The following NUP62CL variants were observed in gnomAD, a reference collection of about 807,000 sequenced individuals.
NUP62CL encodes nucleoporin 62 C-terminal like.
Under a neutral mutation model 15.3 loss-of-function variants are expected in NUP62CL, and 13 were observed. That is an observed-to-expected ratio of 0.85 (90% CI 0.55 to 1.35). The LOEUF is 1.35. Among genes scored for constraint, NUP62CL ranks in the 40% most tolerant of loss-of-function variants. The pLI is 0.00. For missense variants in NUP62CL, 123 were observed against 130.6 expected (o/e 0.94, Z 0.28); for synonymous variants, 54 against 49.2 (o/e 1.10, Z -0.41).
intron 1 of NUP62CL, among the ~76,000 whole-genome samples, chrX:107,200,918 AC>A (rs1465122011): frequency 9.0e-6 from 1 of 111,265 alleles, no homozygotes. Context: ...GAGCAAAAAA[AC>A]CCTCAAAAAA....
At chrX:107,131,841 T>A (rs878866666) in intron 8 of NUP62CL, 2 of 1,039,637 alleles carry the variant, frequency 1.9e-6, no homozygotes, top group Admixed American at 4.4e-5. Flanking sequence ...AAGACACTCT[T>A]GGGACCTGTG....
At chrX:107,177,422 A>G (rs999295574) in intron 2 of NUP62CL, among the ~76,000 whole-genome samples, 1 of 111,428 alleles carries the variant, frequency 9.0e-6, no homozygotes, top group African/African-American at 3.3e-5. Context: ...ATATCGCCTT[A>G]CTTGATAAAA....
chrX:107,187,053 A>G (rs1381529418), intron 2 of NUP62CL, among the ~76,000 whole-genome samples: 1 of 112,311 alleles, frequency 8.9e-6, no homozygotes, highest in African/African-American at 3.2e-5. Context: ...GAAAGATAAC[A>G]GGAAAATCTT....
intron 4 of NUP62CL, among the ~76,000 whole-genome samples, chrX:107,161,940 T>C (rs1285580): frequency 9.5e-6 from 1 of 105,476 alleles, no homozygotes; most frequent in African/African-American, 3.4e-5. Flanking sequence ...TATCTGAAAA[T>C]AATTTTAAAG....
At chrX:107,137,227 G>A (rs1207610611) in intron 8 of NUP62CL, among the ~76,000 whole-genome samples, 2 of 111,269 alleles carry the variant, frequency 1.8e-5, no homozygotes, top group Non-Finnish European at 3.8e-5. Flanking sequence ...AACTCCCAGA[G>A]GGGAATTACC....
At chrX:107,130,935 GTGTATATA>G in intron 8 of NUP62CL, among the ~76,000 whole-genome samples, 1 of 111,270 alleles carries the variant, frequency 9.0e-6, no homozygotes, top group East Asian at 2.8e-4. Context: ...ATGTGTGTGT[GTGTATATA>G]TGTATATATG....
chrX:107,129,483 C>T (rs182275230), intron 8 of NUP62CL, among the ~76,000 whole-genome samples: 1 of 112,148 alleles, frequency 8.9e-6, no homozygotes, highest in African/African-American at 3.2e-5. Context: ...TGAAAGCCTA[C>T]AAGCTGAACA....
At chrX:107,163,315 A>T (rs748729229) in intron 4 of NUP62CL, among the ~76,000 whole-genome samples, 21 of 111,644 alleles carry the variant, frequency 1.9e-4, no homozygotes, top group Middle Eastern at 4.6e-3. Flanking sequence ...TAAGTAATGC[A>T]TGTATCTGTA....
rs1307100005 is a variant in NUP62CL at position 107,123,599 on chromosome X, AAAAC to A, written c.*772_*775del. 2 of 111,622 alleles carry A rather than the reference AAAAC, an allele frequency of 1.8e-5. No individual in the cohort carries two copies. The highest frequency in any genetic ancestry group is 3.8e-5 in the Non-Finnish European group (2 of 53,105). The allele number at this position is 111,622 out of a possible 1,213,427, so 9.2% of individuals were successfully genotyped here. On this transcript the variant is annotated 3_prime_UTR_variant, in exon 9 of 9. Transcript: ENST00000372466. ...CAAAACAAACAAACAAAAAAAAAGA[AAAAC>A]AAACAAATATACGGAAATCACCAAC...
chrX:107,143,852 A>G (rs767145785), intron 8 of NUP62CL, among the ~76,000 whole-genome samples: 1 of 111,914 alleles, frequency 8.9e-6, no homozygotes, highest in South Asian at 3.7e-4. Context: ...ATTAACTACT[A>G]AAAAACAAAA....
intron 7 of NUP62CL, chrX:107,150,752 G>A: frequency 3.4e-6 from 1 of 291,310 alleles, no homozygotes; most frequent in Non-Finnish European, 6.9e-6. Context: ...TCTTGCCTCG[G>A]CCTACCGAAG....
At chrX:107,183,420 G>C (rs1010391697) in intron 2 of NUP62CL, among the ~76,000 whole-genome samples, 1 of 110,589 alleles carries the variant, frequency 9.0e-6, no homozygotes, top group African/African-American at 3.3e-5. Context: ...AACATAATGA[G>C]ACCCTGGCTC....
At chrX:107,142,541 A>G (rs1164373994) in intron 8 of NUP62CL, among the ~76,000 whole-genome samples, 7 of 112,237 alleles carry the variant, frequency 6.2e-5, no homozygotes, top group Non-Finnish European at 9.4e-5. Context: ...GTAAAATGCC[A>G]TGAAAATACT....
intron 8 of NUP62CL, among the ~76,000 whole-genome samples, chrX:107,135,917 T>A (rs1925630326): frequency 9.0e-6 from 1 of 111,132 alleles, no homozygotes; most frequent in Non-Finnish European, 1.9e-5. Context: ...ATGTGAATCA[T>A]CCCTTTGTCT....
At chrX:107,176,547 A>G (rs999991273) in intron 2 of NUP62CL, among the ~76,000 whole-genome samples, 1 of 96,514 alleles carries the variant, frequency 1.0e-5, no homozygotes, top group Non-Finnish European at 2.0e-5. Context: ...GTGACTGCCA[A>G]TGGGTATAGG....
chrX:107,161,009 C>T (rs1285162062), intron 4 of NUP62CL, among the ~76,000 whole-genome samples: 1 of 111,875 alleles, frequency 8.9e-6, no homozygotes, highest in African/African-American at 3.2e-5. Flanking sequence ...GACATTTATG[C>T]AGCCAACAGA....
At chrX:107,152,081 T>TATATATATATATATATTCAG (rs1926037727) in intron 7 of NUP62CL, among the ~76,000 whole-genome samples, 1 of 70,744 alleles carries the variant, frequency 1.4e-5, no homozygotes, top group Non-Finnish European at 2.4e-5. Context: ...TATATTCAGA[T>TATATATATATATATATTCAG]ATATATATAT....
chrX:107,163,749 T>C (rs1290152405), intron 4 of NUP62CL, among the ~76,000 whole-genome samples: 1 of 111,625 alleles, frequency 9.0e-6, no homozygotes, highest in Non-Finnish European at 1.9e-5. Flanking sequence ...CAAAGAAAAT[T>C]ACTAGAACCA....
intron 4 of NUP62CL, among the ~76,000 whole-genome samples, chrX:107,156,225 G>A (rs1427453772): frequency 8.9e-6 from 1 of 111,762 alleles, no homozygotes; most frequent in Non-Finnish European, 1.9e-5. Flanking sequence ...CATTGCCCAG[G>A]CTTGATTAGG....
Sources: allele counts gnomAD v4.1 joint callset (sites outside exome capture counted in the v4.1 genomes callset), GRCh38; gene constraint gnomAD v4.1.1; transcripts MANE v1.5; gene names NCBI Gene and HGNC (gene_info 2026-07-23, HGNC 2026-07-21).